Variants in TRDN observed in about 807,000 individuals in gnomAD.
The protein encoded by TRDN is triadin, also known as triadin in skeletal muscle.
Under a neutral mutation model 149.7 loss-of-function variants are expected in TRDN, and 161 were observed. The ratio of observed to expected loss-of-function variants is 1.08; its 90% CI spans 0.95 to 1.23. The LOEUF (loss-of-function observed/expected upper bound fraction) is 1.23, where lower values mean the gene tolerates loss of function less well. TRDN is among the 50% of genes most tolerant of loss of function. TRDN has a pLI of 0.00. For synonymous variants in TRDN, 294 were observed against 250.5 expected (o/e 1.17, Z -1.64); for missense variants, 896 against 823.5 (o/e 1.09, Z -1.08).
intron 21 of TRDN, among the ~76,000 whole-genome samples, chr6:123,344,840 C>T (rs1780196037): frequency 6.6e-6 from 1 of 151,960 alleles, no homozygotes; most frequent in Non-Finnish European, 1.5e-5. Context: ...GGTTAGTTTT[C>T]TAAGAAGCTG....
intron 10 of TRDN, chr6:123,456,979 C>T (rs923720636): frequency 5.6e-6 from 2 of 356,434 alleles, no homozygotes; most frequent in Admixed American, 3.4e-5. Flanking sequence ...TAAGCAAGAG[C>T]ATTGGAGGAA....
chr6:123,316,671 G>C (rs1051580216), intron 23 of TRDN, among the ~76,000 whole-genome samples, 176 bp from the exon 24 acceptor site: 1 of 151,638 alleles, frequency 6.6e-6, no homozygotes. Flanking sequence ...TGTATCTTTG[G>C]TAAATTATAA....
intron 9 of TRDN, among the ~76,000 whole-genome samples, chr6:123,481,545 T>C (rs1777751407): frequency 6.6e-6 from 1 of 152,100 alleles, no homozygotes; most frequent in South Asian, 2.1e-4. Flanking sequence ...CTGGTTCAAT[T>C]TCCTAATTTC....
chr6:123,486,302 A>G (rs1446227619), intron 9 of TRDN, among the ~76,000 whole-genome samples: 3 of 150,680 alleles, frequency 2.0e-5, no homozygotes, highest in Admixed American at 1.3e-4. Flanking sequence ...TGATAGGCTT[A>G]TCGGGTATTT....
chr6:123,519,108 C>G (rs1298321416), intron 5 of TRDN, among the ~76,000 whole-genome samples: 2 of 152,188 alleles, frequency 1.3e-5, no homozygotes, highest in East Asian at 3.9e-4. Flanking sequence ...TAGCTCAGGA[C>G]AGAATAAGCT....
chr6:123,454,949 T>G (rs984253711), intron 10 of TRDN, among the ~76,000 whole-genome samples: 2 of 152,128 alleles, frequency 1.3e-5, no homozygotes, highest in African/African-American at 4.8e-5. Flanking sequence ...AAAATTTAAA[T>G]CTAAAGATGA....
intron 28 of TRDN, 22 bp from the exon 29 acceptor site, chr6:123,273,033 T>C (rs1438769382): frequency 2.1e-6 from 3 of 1,460,150 alleles, no homozygotes; most frequent in Non-Finnish European, 1.8e-6. Flanking sequence ...AAAAAGAAAA[T>C]CTTTTTTAGG....
intron 7 of TRDN, among the ~76,000 whole-genome samples, chr6:123,506,805 C>A (rs1478672093): frequency 4.6e-5 from 7 of 152,058 alleles, no homozygotes; most frequent in African/African-American, 1.7e-4. Context: ...AATGGCTCTC[C>A]CATTTGAATT....
intron 1 of TRDN, among the ~76,000 whole-genome samples, chr6:123,618,631 G>A (rs908152864): frequency 6.6e-6 from 1 of 152,180 alleles, no homozygotes; most frequent in Non-Finnish European, 1.5e-5. Context: ...CTCTTCATCA[G>A]TAGACATTGT....
In TRDN at chr6:123,388,640, T is replaced by C. The variant is rs576965724; in HGVS notation, c.1106-89A>G. ...TATGAGAATGTATTCCACATATTCATAAATTCAGTGGTCACCTATACACTA... is the reference window on the plus strand; with the variant it reads ...TATGAGAATGTATTCCACATATTCACAAATTCAGTGGTCACCTATACACTA... On this transcript the variant is annotated intron_variant, in intron 13 of 40. Coordinates refer to ENST00000334268, the MANE Select transcript of TRDN (RefSeq NM_006073.4). 6.3e-6 allele frequency: 9 copies of C among 1,439,010 alleles called. No homozygotes were observed. The African/African-American group carries it at 8.4e-5, about 13-fold the overall frequency. The allele number at this position is 1,439,010 out of a possible 1,614,324, so 89.1% of individuals were successfully genotyped here.
rs184287592 is a variant in TRDN, at chr6:123,585,136, G to A, written c.23-14004C>T. Among the ~76,000 whole-genome samples, 311 of 135,044 alleles carry A rather than the reference G, an allele frequency of 2.3e-3. 3 individuals carry two copies. Among genetic ancestry groups the A allele is most frequent in the African/African-American group, 2.3e-3 (90 of 39,254 alleles). The allele number at this position is 135,044 out of a possible 152,430, so 88.6% of individuals were successfully genotyped here. A position where few individuals can be genotyped will look rare whatever the true frequency, so the allele number is the denominator to read the frequency against. ...GGAGTAGAGGTATCTTATACTTGTGGGTTAAGGTGGGGGAATACAAGAGGA... is the reference window on the plus strand; with the variant it reads ...GGAGTAGAGGTATCTTATACTTGTGAGTTAAGGTGGGGGAATACAAGAGGA... On this transcript the variant is annotated intron_variant, in intron 1 of 40. Transcript: ENST00000334268.
At chr6:123,301,244 G>T (rs1333783700) in intron 24 of TRDN, among the ~76,000 whole-genome samples, 1 of 151,884 alleles carries the variant, frequency 6.6e-6, no homozygotes, top group Admixed American at 6.6e-5. Flanking sequence ...TCTATGTTTT[G>T]TAGCAAAATA....
chr6:123,352,429 G>A (rs1244245136), intron 21 of TRDN, 110 bp downstream of exon 21: 11 of 1,496,592 alleles, frequency 7.4e-6, no homozygotes, highest in Non-Finnish European at 7.1e-6. Flanking sequence ...GTGATAAAGA[G>A]TAATAGACTT....
chr6:123,403,105 GA>G (rs1773047906), intron 12 of TRDN, among the ~76,000 whole-genome samples: 2 of 152,234 alleles, frequency 1.3e-5, no homozygotes, highest in South Asian at 4.1e-4. Flanking sequence ...CAGATGAACA[GA>G]AGGCTTCAGA....
At chr6:123,590,113 C>G (rs1159535145) in intron 1 of TRDN, among the ~76,000 whole-genome samples, 1 of 152,086 alleles carries the variant, frequency 6.6e-6, no homozygotes, top group Non-Finnish European at 1.5e-5. Context: ...ACCCCCAGGC[C>G]ACGGACCCAT....
chr6:123,303,989 C>A (rs892110249), intron 24 of TRDN, among the ~76,000 whole-genome samples: 1 of 151,982 alleles, frequency 6.6e-6, no homozygotes, highest in African/African-American at 2.4e-5. Context: ...AACTTCGTGC[C>A]TACTTGGATG....
chr6:123,266,583 A>G (rs1426063698), intron 32 of TRDN, among the ~76,000 whole-genome samples: 1 of 62,998 alleles, frequency 1.6e-5, no homozygotes, highest in African/African-American at 8.1e-5. Flanking sequence ...AATATGTATT[A>G]TATATAATAT....
intron 1 of TRDN, among the ~76,000 whole-genome samples, chr6:123,599,545 G>T (rs1398637197): frequency 6.6e-6 from 1 of 151,830 alleles, no homozygotes; most frequent in Non-Finnish European, 1.5e-5. Context: ...TTGCAAAAAA[G>T]CACATTATTG....
chr6:123,292,148 G>A (rs958445682), intron 24 of TRDN, among the ~76,000 whole-genome samples: 3 of 152,114 alleles, frequency 2.0e-5, no homozygotes, highest in African/African-American at 4.8e-5. Flanking sequence ...TTTTGTCATG[G>A]TGTGCTAGAG....
Sources: allele counts gnomAD v4.1 joint callset (sites outside exome capture counted in the v4.1 genomes callset), GRCh38; gene constraint gnomAD v4.1.1; transcripts MANE v1.5; gene names NCBI Gene and HGNC (gene_info 2026-07-23, HGNC 2026-07-21).